The following VPS41 variants were observed in gnomAD, a reference collection of about 807,000 sequenced individuals.
The protein encoded by VPS41 is vacuolar protein sorting-associated protein 41 homolog.
VPS41 carries 85 observed loss-of-function variants against 130.9 expected under a neutral mutation model. That is an observed-to-expected ratio of 0.65 (90% confidence interval 0.55 to 0.78). VPS41 has a LOEUF of 0.78. Among genes scored for constraint, VPS41 ranks in the 30% least tolerant of loss-of-function variants. The pLI is 0.00. For synonymous variants in VPS41, 335 were observed against 332.9 expected (o/e 1.01, Z -0.07); for missense variants, 874 against 1,018.7 (o/e 0.86, Z 1.93).
intron 4 of VPS41, among the ~76,000 whole-genome samples, chr7:38,836,465 T>C (rs907752907): frequency 5.3e-5 from 8 of 152,116 alleles, no homozygotes; most frequent in Non-Finnish European, 1.2e-4. Context: ...TAAGCTATAT[T>C]AGTTCTAAGA....
intron 28 of VPS41, 55 bp from the exon 29 acceptor site, chr7:38,726,381 T>A: frequency 7.1e-7 from 1 of 1,406,618 alleles, no homozygotes; most frequent in Non-Finnish European, 1.0e-6. Context: ...TTTTCTACTC[T>A]CATATTCAGA....
intron 3 of VPS41, among the ~76,000 whole-genome samples, chr7:38,865,776 G>T (rs1786216569): frequency 6.6e-6 from 1 of 152,116 alleles, no homozygotes; most frequent in Non-Finnish European, 1.5e-5. Flanking sequence ...TTCATGCCCA[G>T]GGGAAGAGAC....
chr7:38,752,060 C>T lies in VPS41; in HGVS notation c.1926+116G>A, dbSNP rs1005386891. The T allele has an allele frequency of 4.9e-6, 7 of 1,432,792 alleles. No individual in the cohort carries two copies. The Admixed American group carries it at 6.1e-5, about 13-fold the overall frequency. The allele number at this position is 1,432,792 out of a possible 1,614,324, so 88.8% of individuals were successfully genotyped here. A position where few individuals can be genotyped will look rare whatever the true frequency, so the allele number is the denominator to read the frequency against. On this transcript the variant is annotated intron_variant, in intron 22 of 28. Coordinates refer to ENST00000310301, the MANE Select transcript of VPS41 (RefSeq NM_014396.4). ...AACCTACTTCTTTGAGAGCAACAGT[C>T]TTCCCCCTGGAAAGGGACAGATGAA...
intron 2 of VPS41, 80 bp from the exon 3 acceptor site, chr7:38,869,333 G>A (rs1786296418): frequency 3.3e-6 from 3 of 909,210 alleles, no homozygotes; most frequent in Non-Finnish European, 5.1e-6. Flanking sequence ...TCTTACGAGA[G>A]AACCAGAGAT....
intron 7 of VPS41, among the ~76,000 whole-genome samples, chr7:38,814,982 A>C (rs1033786043): frequency 2.0e-5 from 3 of 152,188 alleles, no homozygotes; most frequent in Non-Finnish European, 4.4e-5. Context: ...CCAATATCCC[A>C]ATTGAACCCT....
At chr7:38,853,418 C>A (rs1468108522) in intron 4 of VPS41, among the ~76,000 whole-genome samples, 130 of 78,888 alleles carry the variant, frequency 1.6e-3, no homozygotes, top group Middle Eastern at 9.3e-3. Context: ...GACTCCTTCT[C>A]AAAAAAAAAA....
chr7:38,839,518 CCAG>C (rs1785564875), intron 4 of VPS41, among the ~76,000 whole-genome samples: 1 of 152,024 alleles, frequency 6.6e-6, no homozygotes, highest in South Asian at 2.1e-4. Context: ...TGCCTGCTAA[CCAG>C]CAGAAGAAGG....
At chr7:38,751,261 A>G (rs547664816) in intron 22 of VPS41, among the ~76,000 whole-genome samples, 4 of 152,382 alleles carry the variant, frequency 2.6e-5, no homozygotes, top group Non-Finnish European at 5.9e-5. Context: ...TTCTTTGCAC[A>G]TATCTCTAAT....
chr7:38,874,616 T>C (rs966414063), intron 2 of VPS41, among the ~76,000 whole-genome samples: 1 of 152,178 alleles, frequency 6.6e-6, no homozygotes, highest in Non-Finnish European at 1.5e-5. Context: ...AAATATCCAA[T>C]GTTTTAAAGC....
chr7:38,729,684 T>C (rs1266271187), intron 25 of VPS41, among the ~76,000 whole-genome samples: 2 of 152,168 alleles, frequency 1.3e-5, no homozygotes, highest in African/African-American at 2.4e-5. Context: ...CAGTGGAGGA[T>C]GATGCCCATT....
chr7:38,741,886 G>A (rs1169783535), intron 25 of VPS41, 99 bp downstream of exon 25: 18 of 1,400,618 alleles, frequency 1.3e-5, no homozygotes, highest in Middle Eastern at 2.0e-4. Flanking sequence ...CCATAAAATC[G>A]AAAGTTTTTA....
intron 25 of VPS41, among the ~76,000 whole-genome samples, chr7:38,732,868 C>T (rs1265235445): frequency 2.0e-5 from 3 of 152,154 alleles, no homozygotes; most frequent in Non-Finnish European, 4.4e-5. Context: ...TGCTCTGCCA[C>T]CCAGGCTGAA....
intron 7 of VPS41, among the ~76,000 whole-genome samples, chr7:38,799,668 AT>A (rs1258396112): frequency 2.0e-5 from 3 of 152,218 alleles, no homozygotes; most frequent in East Asian, 3.8e-4. Flanking sequence ...GTCCAAAAAA[AT>A]CCAAAGGGAT....
rs1273480923 is a variant in VPS41, at chr7:38,767,606, A to G, written c.1186-8T>C. 2 of 1,604,546 alleles carry G rather than the reference A, an allele frequency of 1.2e-6. No homozygotes were observed. The highest frequency in any genetic ancestry group is 1.1e-5 in the South Asian group (1 of 90,170). On this transcript the variant is annotated splice_region_variant and splice_polypyrimidine_tract_variant and intron_variant, in intron 14 of 28. Transcript: ENST00000310301. ...ATATGCCAAGCCAATATCCTAGAGAAAGCCAAATGAAGAAATGTCAAAATT... is the reference window on the plus strand; with the variant it reads ...ATATGCCAAGCCAATATCCTAGAGAGAGCCAAATGAAGAAATGTCAAAATT...
At chr7:38,765,690 G>GA in intron 15 of VPS41, 29 bp from the exon 16 acceptor site, 1 of 1,463,580 alleles carries the variant, frequency 6.8e-7, no homozygotes, top group Admixed American at 2.0e-5. Flanking sequence ...CAGGCAGAAA[G>GA]AAAGTATATA....
intron 11 of VPS41, 152 bp downstream of exon 11, chr7:38,776,527 C>A: frequency 2.1e-6 from 1 of 474,298 alleles, no homozygotes; most frequent in Non-Finnish European, 3.9e-6. Context: ...GTAAATATGT[C>A]AGGTCTAAAG....
chr7:38,728,687 C>G lies in VPS41; in HGVS notation c.2359+5G>C. On this transcript the variant is annotated splice_donor_5th_base_variant and intron_variant, in intron 26 of 28. Coordinates refer to ENST00000310301, the MANE Select transcript of VPS41 (RefSeq NM_014396.4). ...GTTCCATATGATTATTTCAATTTTA[C>G]CCACCATCAACAAGAACACCTTTCA... 2 of 1,614,022 alleles carry G rather than the reference C, an allele frequency of 1.2e-6. No individual in the cohort carries two copies. The highest frequency in any genetic ancestry group is 1.3e-5 in the African/African-American group (1 of 75,024).
chr7:38,822,966 T>A lies in VPS41; in HGVS notation c.322-1701A>T, dbSNP rs575327566. Among the ~76,000 whole-genome samples the A allele has an allele frequency of 2.0e-3, 305 of 152,370 alleles. 1 individual carries two copies. The highest frequency in any genetic ancestry group is 6.7e-3 in the African/African-American group (277 of 41,588). On this transcript the variant is annotated intron_variant, in intron 5 of 28. Transcript: ENST00000310301. The stretch of plus-strand genomic sequence containing the variant: ...CCAACATTGGAATGTGTTCACTGTC[T>A]TTCTAGTCTCTAGTATAGTGGTATT...
At chr7:38,778,334 T>C (rs1258045565) in intron 10 of VPS41, among the ~76,000 whole-genome samples, 3 of 152,200 alleles carry the variant, frequency 2.0e-5, no homozygotes, top group African/African-American at 2.4e-5. Context: ...CCACCACATG[T>C]GCAGAGACAG....
Sources: allele counts gnomAD v4.1 joint callset (sites outside exome capture counted in the v4.1 genomes callset), GRCh38; gene constraint gnomAD v4.1.1; transcripts MANE v1.5; gene names NCBI Gene and HGNC (gene_info 2026-07-23, HGNC 2026-07-21).